MKLN1: variants seen among roughly 807,000 people sequenced by gnomAD.
MKLN1 encodes the protein muskelin 1, also known as muskelin.
Under a neutral mutation model 99.0 loss-of-function variants are expected in MKLN1, and 18 were observed. That is an observed-to-expected ratio of 0.18 (90% CI 0.13 to 0.27). The LOEUF is 0.27. Among genes scored for constraint, MKLN1 ranks in the 10% least tolerant of loss-of-function variants. The pLI is 1.00. For synonymous variants in MKLN1, 288 were observed against 293.2 expected, an observed-to-expected ratio of 0.98 and a Z score of 0.18; for missense variants, 621 against 875.9, an observed-to-expected ratio of 0.71 and a Z score of 3.67.
intron 3 of MKLN1, among the ~76,000 whole-genome samples, chr7:131,266,123 G>A (rs1055379837): frequency 1.4e-5 from 2 of 145,782 alleles, no homozygotes; most frequent in African/African-American, 2.6e-5. Flanking sequence ...GCAGTGAGCC[G>A]AGGTCATGCC....
At chr7:131,342,174 T>G (rs1799426960) in intron 1 of MKLN1, among the ~76,000 whole-genome samples, 1 of 152,068 alleles carries the variant, frequency 6.6e-6, no homozygotes, top group South Asian at 2.1e-4. Flanking sequence ...TTTTTTCTGT[T>G]ATTATGTAGT....
intron 1 of MKLN1, among the ~76,000 whole-genome samples, chr7:131,360,760 A>G (rs999685913): frequency 2.6e-5 from 4 of 152,128 alleles, no homozygotes; most frequent in African/African-American, 4.8e-5. Context: ...TTCTTTATGT[A>G]CATCAATGTT....
chr7:131,374,622 C>T (rs1327689590), intron 1 of MKLN1, among the ~76,000 whole-genome samples: 1 of 152,082 alleles, frequency 6.6e-6, no homozygotes, highest in Admixed American at 6.5e-5. Flanking sequence ...CCAAATCAAG[C>T]AGTGTTTATG....
chr7:131,204,225 T>C (rs899349044), intron 3 of MKLN1, among the ~76,000 whole-genome samples: 1 of 152,224 alleles, frequency 6.6e-6, no homozygotes, highest in Non-Finnish European at 1.5e-5. Context: ...CTCAGCACCA[T>C]CGAATCTTGG....
intron 3 of MKLN1, among the ~76,000 whole-genome samples, chr7:131,299,535 C>G (rs1005527088): frequency 2.6e-5 from 4 of 152,170 alleles, no homozygotes; most frequent in Non-Finnish European, 5.9e-5. Context: ...TCATTTAACC[C>G]TTTTCCCATT....
intron 1 of MKLN1, among the ~76,000 whole-genome samples, chr7:131,367,080 T>C (rs1233923306): frequency 6.6e-6 from 1 of 152,192 alleles, no homozygotes; most frequent in Admixed American, 6.5e-5. Context: ...AGTTACCCAT[T>C]TGTGTTTCAT....
chr7:131,228,883 T>G (rs1232697654), intron 3 of MKLN1, among the ~76,000 whole-genome samples: 1 of 152,160 alleles, frequency 6.6e-6, no homozygotes, highest in Non-Finnish European at 1.5e-5. Context: ...TCACCGAAAA[T>G]CCAAACTCTG....
At chr7:131,291,780 GA>G (rs1563281350) in intron 3 of MKLN1, among the ~76,000 whole-genome samples, 1 of 119,232 alleles carries the variant, frequency 8.4e-6, no homozygotes, top group Admixed American at 8.5e-5. Flanking sequence ...AAAAAAAAAA[GA>G]AAAAAAAGAC....
chr7:131,153,476 GA>G (rs34774654), intron 2 of MKLN1, among the ~76,000 whole-genome samples: 8,515 of 151,948 alleles, frequency 0.056, 289 homozygotes, highest in African/African-American at 0.086. Flanking sequence ...CCACATAGTA[GA>G]AATTACTTAT....
At position 131,116,206 on chromosome 7, in the gene MKLN1, T is replaced by A. The variant is rs1156615554; in HGVS notation, c.-419+5999T>A. ...TATAATGAATATATATATATATTCA[T>A]TGGGTGTTTGTAGTAGGAAAAGGAG... On this transcript the variant is annotated intron_variant, in intron 1 of 7. Coordinates refer to the MKLN1 transcript ENST00000416992. 2.6e-5 allele frequency among the ~76,000 whole-genome samples: 4 copies of A among 151,542 alleles called. No individual in the cohort carries two copies. The East Asian group carries it at 7.7e-4, about 29-fold the overall frequency.
intron 1 of MKLN1, 106 bp downstream of exon 1, chr7:131,328,103 T>TCTC: frequency 2.2e-6 from 3 of 1,369,254 alleles, no homozygotes; most frequent in Non-Finnish European, 3.0e-6. Flanking sequence ...AGGCGGGGCC[T>TCTC]GCTGAGGGGG....
chr7:131,426,944 G>A (rs1377837486), intron 8 of MKLN1, among the ~76,000 whole-genome samples: 1 of 151,844 alleles, frequency 6.6e-6, no homozygotes, highest in Non-Finnish European at 1.5e-5. Context: ...TGGTAGAGAC[G>A]GGATTTCACC....
intron 3 of MKLN1, among the ~76,000 whole-genome samples, chr7:131,304,050 T>C (rs1407019136): frequency 6.6e-6 from 1 of 152,142 alleles, no homozygotes; most frequent in East Asian, 1.9e-4. Flanking sequence ...GTGTACAATA[T>C]AGGTATAGGC....
At chr7:131,185,121 G>A (rs1005244148) in intron 2 of MKLN1, among the ~76,000 whole-genome samples, 1 of 152,086 alleles carries the variant, frequency 6.6e-6, no homozygotes. Context: ...CTCTGTAAAT[G>A]TAAGACTGCA....
intron 3 of MKLN1, among the ~76,000 whole-genome samples, chr7:131,319,694 C>T (rs898060825): frequency 1.2e-4 from 18 of 152,168 alleles, no homozygotes; most frequent in African/African-American, 4.3e-4. Context: ...ATTTAGAAAA[C>T]CCATTGTCTG....
chr7:131,310,546 A>G (rs1325800676), intron 3 of MKLN1: 1 of 152,330 alleles, frequency 6.6e-6, no homozygotes, highest in East Asian at 1.9e-4. Context: ...CACAGCGGAA[A>G]TATTTTGAGG....
At chr7:131,274,061 A>G (rs1021286600) in intron 3 of MKLN1, among the ~76,000 whole-genome samples, 3 of 152,174 alleles carry the variant, frequency 2.0e-5, no homozygotes, top group Non-Finnish European at 2.9e-5. Flanking sequence ...GTAGGAGTAT[A>G]GGGACAACTG....
rs748631038 is a variant in MKLN1, at chr7:131,437,858, G to A, written c.1034G>A (p.Arg345His). The change falls in exon 10 of 18, where the codon CGT (arginine) becomes CAT (histidine). Residue 345 changes from arginine to histidine, a missense_variant. Transcript: ENST00000352689. ...CGGAGGCAAATCTACACATTGGGGC[G>A]TTACTTGGATTCCTCTGTGAGGAAC... is the stretch of plus-strand genomic sequence containing the variant. ...IQRRQIYTLGRYLDSSVRNSK... is the reference protein window; with the variant it reads ...IQRRQIYTLGHYLDSSVRNSK... 6.8e-6 allele frequency: 11 copies of A among 1,613,628 alleles called. No homozygotes were observed. Among genetic ancestry groups the A allele is most frequent in the South Asian group, 2.2e-5 (2 of 91,066 alleles).
chr7:131,349,306 T>G (rs1219659293), intron 1 of MKLN1, among the ~76,000 whole-genome samples: 1 of 151,974 alleles, frequency 6.6e-6, no homozygotes, highest in Non-Finnish European at 1.5e-5. Context: ...AGCAGTCCTC[T>G]TGCCTCAGCC....
Sources: allele counts gnomAD v4.1 joint callset (sites outside exome capture counted in the v4.1 genomes callset), GRCh38; gene constraint gnomAD v4.1.1; transcripts MANE v1.5; gene names NCBI Gene and HGNC (gene_info 2026-07-23, HGNC 2026-07-21).